The following MDGA2 variants were observed in gnomAD, a reference collection of about 807,000 sequenced individuals.
MDGA2 encodes the protein MAM domain containing glycosylphosphatidylinositol anchor 2.
MDGA2 carries 40 observed loss-of-function variants against 117.8 expected under a neutral mutation model. The observed-to-expected ratio is 0.34, with a 90% CI of 0.26 to 0.44. The LOEUF is 0.44. Ranked by LOEUF, MDGA2 falls within the 20% of genes least tolerant of loss-of-function variation. MDGA2 has a pLI of 1.00. For missense variants in MDGA2, 1,123 were observed against 1,250.6 expected (o/e 0.90, Z 1.54); for synonymous variants, 452 against 439.0 (o/e 1.03, Z -0.37).
intron 2 of MDGA2, among the ~76,000 whole-genome samples, chr14:47,288,565 C>T (rs977957195): frequency 2.0e-5 from 3 of 151,894 alleles, no homozygotes; most frequent in African/African-American, 4.8e-5. Context: ...CTGCCAAAGG[C>T]GAGTAAGTAA....
chr14:47,447,708 G>A (rs1373951838), intron 1 of MDGA2, among the ~76,000 whole-genome samples: 2 of 152,064 alleles, frequency 1.3e-5, no homozygotes, highest in Non-Finnish European at 1.5e-5. Flanking sequence ...ATCATCCATG[G>A]GAAATGTAGA....
intron 1 of MDGA2, among the ~76,000 whole-genome samples, chr14:47,569,886 G>A (rs1393683021): frequency 6.6e-6 from 1 of 152,110 alleles, no homozygotes; most frequent in Non-Finnish European, 1.5e-5. Flanking sequence ...TTCATCTTAA[G>A]CATGAGGAAC....
intron 8 of MDGA2, among the ~76,000 whole-genome samples, chr14:47,033,041 G>T (rs558681806): frequency 6.6e-6 from 1 of 152,208 alleles, no homozygotes; most frequent in South Asian, 2.1e-4. Context: ...ACTAAACTTT[G>T]CCTGTGTCTA....
At chr14:46,934,451 C>T (rs1884705180) in intron 9 of MDGA2, among the ~76,000 whole-genome samples, 1 of 152,096 alleles carries the variant, frequency 6.6e-6, no homozygotes, top group African/African-American at 2.4e-5. Context: ...AGGTCAAATA[C>T]ACAGAGGCAT....
At chr14:47,141,266 T>C (rs1463039376) in intron 4 of MDGA2, among the ~76,000 whole-genome samples, 1 of 152,126 alleles carries the variant, frequency 6.6e-6, no homozygotes, top group African/African-American at 2.4e-5. Context: ...AATAGAGCTA[T>C]AATATGATCC....
chr14:47,336,795 T>C (rs933707092), intron 1 of MDGA2, among the ~76,000 whole-genome samples: 3 of 151,994 alleles, frequency 2.0e-5, no homozygotes, highest in Admixed American at 6.6e-5. Flanking sequence ...TATATTTATT[T>C]ATTTATTTTT....
chr14:47,096,139 T>G (rs1879954576), intron 6 of MDGA2, among the ~76,000 whole-genome samples: 1 of 152,014 alleles, frequency 6.6e-6, no homozygotes, highest in Non-Finnish European at 1.5e-5. Flanking sequence ...ACTTAGTGAC[T>G]TACATTTTGC....
intron 1 of MDGA2, among the ~76,000 whole-genome samples, chr14:47,573,720 T>C (rs902312070): frequency 6.6e-6 from 1 of 152,226 alleles, no homozygotes; most frequent in Non-Finnish European, 1.5e-5. Flanking sequence ...TAAACACAGC[T>C]GCTCTTAATA....
At chr14:47,585,448 T>G (rs1218305601) in intron 1 of MDGA2, among the ~76,000 whole-genome samples, 1 of 151,868 alleles carries the variant, frequency 6.6e-6, no homozygotes, top group African/African-American at 2.4e-5. Flanking sequence ...TCTATAAAAT[T>G]GAGTAATAAC....
chr14:46,855,814 A>G lies in MDGA2; in HGVS notation c.2753-660T>C, dbSNP rs144518548. On this transcript the variant is annotated intron_variant, in intron 14 of 16. Transcript: ENST00000399232. This position sits in a 1 kb window ranked among gnomAD's most constrained non-coding sequence, Gnocchi z 4.1. ...TAATCATGTACTGAATAACTTGCTC[A>G]GAGTTGGACTCTAATTCTGTCGTCT... Among the ~76,000 whole-genome samples, 17 of 152,290 alleles carry G rather than the reference A, an allele frequency of 1.1e-4. No homozygotes were observed. Among genetic ancestry groups the G allele is most frequent in the African/African-American group, 3.6e-4 (15 of 41,560 alleles).
At chr14:47,454,300 A>G (rs931203866) in intron 1 of MDGA2, among the ~76,000 whole-genome samples, 1 of 152,158 alleles carries the variant, frequency 6.6e-6, no homozygotes, top group Non-Finnish European at 1.5e-5. Context: ...TCTGAACTGC[A>G]TCAATGTTTA....
At chr14:47,214,118 G>T (rs1885997974) in intron 3 of MDGA2, among the ~76,000 whole-genome samples, 1 of 151,976 alleles carries the variant, frequency 6.6e-6, no homozygotes, top group Non-Finnish European at 1.5e-5. Flanking sequence ...ACCTCCACCT[G>T]GTCTCTCCCT....
chr14:47,548,485 T>C (rs1895509277), intron 1 of MDGA2, among the ~76,000 whole-genome samples: 1 of 152,204 alleles, frequency 6.6e-6, no homozygotes, highest in African/African-American at 2.4e-5. Flanking sequence ...GTCTATATAC[T>C]TTGTTACATG....
chr14:46,976,203 G>A (rs558218069), intron 8 of MDGA2, among the ~76,000 whole-genome samples: 1 of 152,140 alleles, frequency 6.6e-6, no homozygotes, highest in African/African-American at 2.4e-5. Context: ...AAATATTTGA[G>A]ATGGCAAATT....
intron 1 of MDGA2, among the ~76,000 whole-genome samples, chr14:47,319,364 T>C (rs1393038810): frequency 6.6e-6 from 1 of 152,216 alleles, no homozygotes; most frequent in East Asian, 1.9e-4. Context: ...TGCAAAATTA[T>C]ATTTGTTTTC....
At chr14:46,918,872 C>G (rs1252532726) in intron 10 of MDGA2, among the ~76,000 whole-genome samples, 1 of 151,598 alleles carries the variant, frequency 6.6e-6, no homozygotes, top group Non-Finnish European at 1.5e-5. Context: ...CGCCATTCTC[C>G]TGCCTCAGCC....
At chr14:47,465,252 C>G (rs931776354) in intron 1 of MDGA2, among the ~76,000 whole-genome samples, 1 of 152,084 alleles carries the variant, frequency 6.6e-6, no homozygotes, top group African/African-American at 2.4e-5. Flanking sequence ...TAGGCAATAC[C>G]ATCCTAGAGA....
At chr14:47,151,062 A>G (rs903469563) in intron 3 of MDGA2, among the ~76,000 whole-genome samples, 1 of 152,078 alleles carries the variant, frequency 6.6e-6, no homozygotes, top group Non-Finnish European at 1.5e-5. Flanking sequence ...GATCACCTAG[A>G]ATGGGTTCTT....
chr14:47,338,217 A>G (rs1890517835), intron 1 of MDGA2, among the ~76,000 whole-genome samples: 1 of 151,960 alleles, frequency 6.6e-6, no homozygotes, highest in Non-Finnish European at 1.5e-5. Context: ...AGAGTGAATG[A>G]GATTTCATTT....
Sources: allele counts gnomAD v4.1 joint callset (sites outside exome capture counted in the v4.1 genomes callset), GRCh38; gene constraint gnomAD v4.1.1; non-coding constraint Gnocchi (gnomAD v3.1); transcripts MANE v1.5; gene names NCBI Gene and HGNC (gene_info 2026-07-23, HGNC 2026-07-21).